KIFAP3: variants seen among roughly 807,000 people sequenced by gnomAD.
The protein encoded by KIFAP3 is kinesin associated protein 3, also known as kinesin-associated protein 3.
KIFAP3 carries 68 observed loss-of-function variants against 106.5 expected under a neutral mutation model. That is an observed-to-expected ratio of 0.64 (90% CI 0.53 to 0.78). KIFAP3 has a LOEUF of 0.78. Ranked by LOEUF, KIFAP3 falls within the 30% of genes least tolerant of loss-of-function variation. The pLI is 0.00. For missense variants in KIFAP3, 780 were observed against 941.8 expected (o/e 0.83, Z 2.25); for synonymous variants, 320 against 311.5 (o/e 1.03, Z -0.29).
At chr1:169,944,973 G>A (rs1395767433) in intron 19 of KIFAP3, among the ~76,000 whole-genome samples, 1 of 152,146 alleles carries the variant, frequency 6.6e-6, no homozygotes, top group Non-Finnish European at 1.5e-5. Flanking sequence ...TGGTTAGAAG[G>A]TGGGGTTTCA....
intron 1 of KIFAP3, among the ~76,000 whole-genome samples, chr1:170,069,295 C>T (rs1671589525): frequency 6.6e-6 from 1 of 152,012 alleles, no homozygotes; most frequent in Admixed American, 6.6e-5. Flanking sequence ...GACAAATTAA[C>T]ATAAATACCC....
intron 19 of KIFAP3, 117 bp downstream of exon 19, chr1:169,953,894 T>A: frequency 1.4e-6 from 1 of 722,786 alleles, no homozygotes. Context: ...CTTGAAAAGA[T>A]TGAGGGTTTT....
intron 19 of KIFAP3, 68 bp downstream of exon 19, chr1:169,953,943 G>T: frequency 9.9e-7 from 1 of 1,009,602 alleles, no homozygotes; most frequent in South Asian, 1.3e-5. Context: ...AATGGAGAGT[G>T]AAGAGGATTT....
chr1:170,047,620 C>CAAAAA (rs1165754265), intron 2 of KIFAP3, among the ~76,000 whole-genome samples: 2 of 46,194 alleles, frequency 4.3e-5, no homozygotes, highest in Non-Finnish European at 4.6e-5. Flanking sequence ...GGCTCTGTCT[C>CAAAAA]AAAAAAAAAA....
chr1:169,921,868 A>G, intron 19 of KIFAP3, 87 bp from the exon 20 acceptor site: 1 of 938,332 alleles, frequency 1.1e-6, no homozygotes. Flanking sequence ...TTATACCACC[A>G]AGATTCTCTT....
At chr1:169,951,008 T>A (rs10919273) in intron 19 of KIFAP3, among the ~76,000 whole-genome samples, 23,295 of 151,952 alleles carry the variant, frequency 0.15, 1,881 homozygotes, top group Middle Eastern at 0.2. Flanking sequence ...AGGAGAATCT[T>A]ACCCACCACA....
chr1:169,927,090 G>A (rs1302162282), intron 19 of KIFAP3, among the ~76,000 whole-genome samples: 1 of 152,054 alleles, frequency 6.6e-6, no homozygotes, highest in East Asian at 1.9e-4. Flanking sequence ...GATCATCAGG[G>A]TAATTTCAGC....
At chr1:169,997,012 G>A (rs1196615835) in intron 10 of KIFAP3, among the ~76,000 whole-genome samples, 1 of 152,120 alleles carries the variant, frequency 6.6e-6, no homozygotes, top group Non-Finnish European at 1.5e-5. Context: ...GACAATAACT[G>A]CATCGATCTG....
intron 2 of KIFAP3, among the ~76,000 whole-genome samples, chr1:170,052,372 G>A (rs1670619534): frequency 6.6e-6 from 1 of 151,154 alleles, no homozygotes; most frequent in African/African-American, 2.4e-5. Context: ...AAAGAAAAAG[G>A]CCAGGAACAG....
chr1:169,937,034 G>A (rs1019309100), intron 19 of KIFAP3, among the ~76,000 whole-genome samples: 6 of 150,362 alleles, frequency 4.0e-5, no homozygotes, highest in Non-Finnish European at 5.9e-5. Flanking sequence ...GACCATTGAT[G>A]TCCAGATACT....
intron 3 of KIFAP3, 151 bp from the exon 4 acceptor site, chr1:170,039,439 G>A (rs1449967298): frequency 1.9e-6 from 1 of 531,028 alleles, no homozygotes; most frequent in South Asian, 2.8e-5. Flanking sequence ...GCATAAAAAT[G>A]TTCATATATA....
intron 19 of KIFAP3, among the ~76,000 whole-genome samples, chr1:169,926,404 G>A (rs1257579768): frequency 6.6e-6 from 1 of 152,030 alleles, no homozygotes; most frequent in Non-Finnish European, 1.5e-5. Context: ...AAATGAAGAA[G>A]CTAAAATTAA....
chr1:170,055,032 T>A (rs1670772200), intron 2 of KIFAP3, among the ~76,000 whole-genome samples: 1 of 152,194 alleles, frequency 6.6e-6, no homozygotes, highest in Admixed American at 6.5e-5. Flanking sequence ...CACAAGTTAG[T>A]AGTTCATAAT....
At chr1:169,958,176 A>C (rs1301070706) in intron 18 of KIFAP3, 1 of 152,234 alleles carries the variant, frequency 6.6e-6, no homozygotes, top group Non-Finnish European at 1.5e-5. Flanking sequence ...AGAGCTCTTA[A>C]GACTCAAGTA....
At chr1:170,076,887 G>T (rs1183349831), upstream of KIFAP3, among the ~76,000 whole-genome samples, 2 of 152,178 alleles carry the variant, frequency 1.3e-5, no homozygotes, top group Non-Finnish European at 2.9e-5. Flanking sequence ...AGGAGATCTA[G>T]CTGTCAGCAT....
At chr1:169,931,384 T>G (rs905549749) in intron 19 of KIFAP3, among the ~76,000 whole-genome samples, 1 of 152,142 alleles carries the variant, frequency 6.6e-6, no homozygotes, top group Admixed American at 6.5e-5. Flanking sequence ...ACAGAAAAAA[T>G]GCTCTAATAG....
rs1229565941 is a variant in KIFAP3, at chr1:169,982,065, C to T, written c.1705G>A (p.Val569Ile). 1 of 1,613,558 alleles carries T rather than the reference C, an allele frequency of 6.2e-7. No individual in the cohort carries two copies. The highest frequency in any genetic ancestry group is 1.3e-5 in the African/African-American group (1 of 75,024). Residue 569 changes from valine (V) to isoleucine (I), a missense_variant, in exon 15 of 20, where the codon GTT (valine) becomes ATT (isoleucine). Val to Ile is a conservative substitution (Grantham distance 29). Transcript: ENST00000361580. ...ATGGATACAGTTCCAATCATTATAACCACTTCTAAAACAAGATCATCTTCT... is the reference window on the plus strand; with the variant it reads ...ATGGATACAGTTCCAATCATTATAATCACTTCTAAAACAAGATCATCTTCT... ...AAEDDLVLEV[V>I]IMIGTVSMDD...
intron 4 of KIFAP3, 83 bp from the exon 5 acceptor site, chr1:170,038,514 C>A (rs980849676): frequency 1.3e-5 from 18 of 1,367,708 alleles, no homozygotes; most frequent in Admixed American, 2.4e-5. Context: ...GATCAATATA[C>A]TGGCCTTTAT....
At chr1:170,041,004 T>C (rs1669946824) in intron 3 of KIFAP3, among the ~76,000 whole-genome samples, 1 of 152,024 alleles carries the variant, frequency 6.6e-6, no homozygotes, top group African/African-American at 2.4e-5. Context: ...TTTGTATTTT[T>C]ACTAGAGATG....
Sources: allele counts gnomAD v4.1 joint callset (sites outside exome capture counted in the v4.1 genomes callset), GRCh38; gene constraint gnomAD v4.1.1; transcripts MANE v1.5; gene names NCBI Gene and HGNC (gene_info 2026-07-23, HGNC 2026-07-21).